DGKZ: variants seen among roughly 807,000 people sequenced by gnomAD.
DGKZ encodes the protein diacylglycerol kinase zeta.
Under a neutral mutation model 142.5 loss-of-function variants are expected in DGKZ, and 45 were observed. The ratio of observed to expected loss-of-function variants is 0.32; its 90% CI spans 0.25 to 0.40. DGKZ has a LOEUF of 0.40. Among genes scored for constraint, DGKZ ranks in the 10% least tolerant of loss-of-function variants. DGKZ has a pLI of 1.00. For synonymous variants in DGKZ, 442 were observed against 527.0 expected, an observed-to-expected ratio of 0.84 and a Z score of 2.21; for missense variants, 755 against 1,306.5, an observed-to-expected ratio of 0.58 and a Z score of 6.51.
At chr11:46,371,503 C>G in exon 8 of DGKZ, 1 of 1,606,168 alleles carries the variant, frequency 6.2e-7, no homozygotes, top group Non-Finnish European at 8.5e-7. Flanking sequence ...AGCAAGGTGT[C>G]CTGCTTCATG....
chr11:46,366,752 C>T (rs760886869), intron 1 of DGKZ: 2 of 1,550,964 alleles, frequency 1.3e-6, no homozygotes, highest in Admixed American at 3.9e-5. Context: ...CTCCTCCCAC[C>T]TGCTCCCCGC....
Position 46,379,127 on chromosome 11 carries a change from G to C in DGKZ, c.2539+16G>C. On this transcript the variant is annotated intron_variant, in intron 28 of 30. Transcript: ENST00000527911. ...CTGGACCACGGTGAGCCGGGCAGTG[G>C]AGCCCAGGGCCTGGGGCCAAGGTGG... 6.2e-7 allele frequency: 1 copy of C among 1,610,240 alleles called. No homozygotes were observed. The highest frequency in any genetic ancestry group is 8.5e-7 in the Non-Finnish European group (1 of 1,179,420).
At position 46,367,287 on chromosome 11, in the gene DGKZ, C is replaced by G; in HGVS notation, c.162-4C>G. On this transcript the variant is annotated splice_polypyrimidine_tract_variant and splice_region_variant and intron_variant, in intron 1 of 30. Transcript: ENST00000527911. The surrounding 1 kb of genome is among the most constrained non-coding windows in gnomAD (Gnocchi z 4.1). ...CCCCTCCTCAGCTGTCTTCTCCTCT[C>G]TAGGAAAGCCATCACCAAGTCGGGC... The G allele has an allele frequency of 6.2e-7, 1 of 1,610,972 alleles. No individual in the cohort carries two copies. Among genetic ancestry groups the G allele is most frequent in the Non-Finnish European group, 8.5e-7 (1 of 1,179,266 alleles).
intron 1 of DGKZ, among the ~76,000 whole-genome samples, chr11:46,360,161 A>T (rs946226093): frequency 6.6e-6 from 1 of 152,202 alleles, no homozygotes; most frequent in Non-Finnish European, 1.5e-5. Flanking sequence ...ATTAGGCCAG[A>T]TGTTAAAGAG....
At chr11:46,369,808 AG>A in intron 5 of DGKZ, 132 bp from the exon 6 acceptor site, 3 of 1,009,530 alleles carry the variant, frequency 3.0e-6, no homozygotes, top group Non-Finnish European at 4.5e-6. Context: ...GAGAGTCTTT[AG>A]CCCCTCCTCC....
chr11:46,365,144 A>G (rs1364274173), intron 1 of DGKZ: 1 of 985,258 alleles, frequency 1.0e-6, no homozygotes, highest in Non-Finnish European at 1.2e-6. Context: ...GGATGGGTCC[A>G]TGGAGGCCAG....
In DGKZ at chr11:46,373,117, T is replaced by C; in HGVS notation, c.1326+16T>C. 1 of 1,538,010 alleles carries C rather than the reference T, an allele frequency of 6.5e-7. No individual in the cohort carries two copies. Among genetic ancestry groups the C allele is most frequent in the Non-Finnish European group, 8.8e-7 (1 of 1,142,654 alleles). On this transcript the variant is annotated intron_variant, in intron 14 of 30. Coordinates refer to ENST00000527911, the Ensembl canonical transcript of DGKZ. Reference sequence around the variant, plus strand: ...CACCGACCGGGTAAGTTGGCCAGGGTTGGTGGGGGGCAGGGCAGGTGACTG... The same window carrying C: ...CACCGACCGGGTAAGTTGGCCAGGGCTGGTGGGGGGCAGGGCAGGTGACTG...
intron 1 of DGKZ, among the ~76,000 whole-genome samples, chr11:46,356,110 C>G (rs910406202): frequency 6.6e-6 from 1 of 152,108 alleles, no homozygotes; most frequent in African/African-American, 2.4e-5. Flanking sequence ...GAATGGGAGC[C>G]CTCTGCAGAC....
exon 1 of DGKZ, chr11:46,333,043 C>G (rs568829767): frequency 1.3e-4 from 46 of 356,160 alleles, no homozygotes; most frequent in African/African-American, 9.8e-4. Context: ...CCGACTCCAG[C>G]CAGGAGCCCC....
chr11:46,372,582 C>G lies in DGKZ; in HGVS notation c.1011-35C>G, dbSNP rs1405189668. ...CTCACTCCTGGGGTACAGCACACAT[C>G]CCCTGACCCCACTGCCATCTTCCCA... On this transcript the variant is annotated intron_variant, in intron 11 of 30. Transcript: ENST00000527911. The surrounding 1 kb of genome is among the most constrained non-coding windows in gnomAD (Gnocchi z 5.9). The G allele has an allele frequency of 1.9e-6, 3 of 1,613,740 alleles. No homozygotes were observed. The African/African-American group carries it at 4.0e-5, about 22-fold the overall frequency.
At position 46,371,724 on chromosome 11, in the gene DGKZ, G is replaced by GC; in HGVS notation, c.780_781insC (p.Lys261GlnfsTer17). 7 of 1,612,624 alleles carry GC rather than the reference G, an allele frequency of 4.3e-6. No individual in the cohort carries two copies. The highest frequency in any genetic ancestry group is 5.9e-6 in the Non-Finnish European group (7 of 1,179,240). On this transcript the variant is annotated frameshift_variant, in exon 9 of 31. Coordinates refer to ENST00000527911, the Ensembl canonical transcript of DGKZ. LOFTEE classifies it high-confidence loss of function. ...TGCAGAATACTCTGAAAGCAAGCAAGAAGAAGAAGAGGGCATCCTTCAAGA... is the reference window on the plus strand; with the variant it reads ...TGCAGAATACTCTGAAAGCAAGCAAGCAAGAAGAAGAGGGCATCCTTCAAGA...
intron 1 of DGKZ, among the ~76,000 whole-genome samples, chr11:46,355,375 T>C (rs566301311): frequency 8.1e-4 from 124 of 152,346 alleles, no homozygotes; most frequent in African/African-American, 2.9e-3. Context: ...CCCAAAGTGC[T>C]GGGATTACAG....
chr11:46,372,804 C>T lies in DGKZ; in HGVS notation c.1105C>T (p.Arg369Cys), dbSNP rs753124416. 54 of 1,603,346 alleles carry T rather than the reference C, an allele frequency of 3.4e-5. No homozygotes were observed. The highest frequency in any genetic ancestry group is 4.5e-5 in the South Asian group (4 of 89,500). ...GATCCTCTCCACCCTGGACCAGCTA[C>T]GCCTGAAGCCGCCACCCCCTGTTGC... Residue 369 changes from arginine (R) to cysteine (C), a missense_variant, in exon 13 of 31, where the codon CGC (arginine) becomes TGC (cysteine). Physicochemically the swap from Arg to Cys is radical, Grantham distance 180. Coordinates refer to ENST00000527911, the Ensembl canonical transcript of DGKZ. This position sits in a 1 kb window ranked among gnomAD's most constrained non-coding sequence, Gnocchi z 5.9.
intron 1 of DGKZ, among the ~76,000 whole-genome samples, chr11:46,357,549 T>C (rs1305826769): frequency 1.3e-5 from 2 of 152,238 alleles, no homozygotes; most frequent in Non-Finnish European, 2.9e-5. Context: ...TTCTCCTCCC[T>C]TAAGGTGCTG....
chr11:46,333,425 C>T (rs768433551), exon 1 of DGKZ: 14 of 1,525,974 alleles, frequency 9.2e-6, no homozygotes, highest in South Asian at 8.5e-5. Flanking sequence ...GGGGCACGGC[C>T]GCTGGGCCCC....
chr11:46,333,337 C>A, exon 1 of DGKZ: 1 of 1,345,656 alleles, frequency 7.4e-7, no homozygotes, highest in Non-Finnish European at 9.5e-7. Context: ...GGCCGGGCAG[C>A]CGAGGAGGAG....
At chr11:46,332,929 C>A (rs868298607) in exon 1 of DGKZ, 2 of 215,376 alleles carry the variant, frequency 9.3e-6, no homozygotes, top group Middle Eastern at 1.4e-3. Flanking sequence ...AGGTGACACT[C>A]GGGTGCGCGG....
In DGKZ at chr11:46,374,754, G is replaced by C. The variant is rs765524529; in HGVS notation, c.1525-12G>C. 5.0e-6 allele frequency: 8 copies of C among 1,609,214 alleles called. No individual in the cohort carries two copies. The highest frequency in any genetic ancestry group is 6.0e-6 in the Non-Finnish European group (7 of 1,176,458). The stretch of plus-strand genomic sequence containing the variant: ...GCACATGCACCTCAACACCCTCCCC[G>C]CCCGCCTCCAGTGTGATGGAATGGA... On this transcript the variant is annotated splice_polypyrimidine_tract_variant and intron_variant, in intron 17 of 30. Coordinates refer to ENST00000527911, the Ensembl canonical transcript of DGKZ.
At chr11:46,373,077 C>T in exon 14 of DGKZ, 1 of 1,544,154 alleles carries the variant, frequency 6.5e-7, no homozygotes, top group Non-Finnish European at 8.7e-7. Context: ...GGCCTGAGGA[C>T]CGAGATGAAG....
Sources: gnomAD v4.1 joint callset for allele counts (sites outside exome capture counted in the v4.1 genomes callset) on GRCh38, gnomAD v4.1.1 for gene constraint, Gnocchi (gnomAD v3.1) non-coding constraint, MANE v1.5 for transcripts, NCBI Gene and HGNC (gene_info 2026-07-23, HGNC 2026-07-21) for gene names.